The following CYP39A1 variants were observed in gnomAD, a reference collection of about 807,000 sequenced individuals.
CYP39A1 encodes 24-hydroxycholesterol 7-alpha-hydroxylase.
Under a neutral mutation model 58.1 loss-of-function variants are expected in CYP39A1, and 49 were observed. The observed-to-expected ratio is 0.84, with a 90% CI of 0.67 to 1.07. CYP39A1 has a LOEUF of 1.07. Ranked by LOEUF, CYP39A1 falls within the 50% of genes least tolerant of loss-of-function variation. The pLI is 0.00. For missense variants in CYP39A1, 531 were observed against 539.4 expected, an observed-to-expected ratio of 0.98 and a Z score of 0.16; for synonymous variants, 209 against 187.6, an observed-to-expected ratio of 1.11 and a Z score of -0.93.
intron 4 of CYP39A1, 67 bp from the exon 5 acceptor site, chr6:46,636,549 A>G: frequency 2.1e-6 from 2 of 944,186 alleles, no homozygotes; most frequent in East Asian, 2.5e-5. Context: ...GTCACAGCAT[A>G]AAAAAGGGAT....
rs376922119 is a variant in CYP39A1, at chr6:46,580,589, T to C, written c.1250+6488A>G. Reference sequence around the variant, plus strand: ...AGACAATCTACAGAATGGGAGAAAATATTTGGCATATGCATCTCACAAAGG... The same window carrying C: ...AGACAATCTACAGAATGGGAGAAAACATTTGGCATATGCATCTCACAAAGG... On this transcript the variant is annotated intron_variant, in intron 10 of 11. Transcript: ENST00000275016. 5.3e-5 allele frequency among the ~76,000 whole-genome samples: 8 copies of C among 152,082 alleles called. No homozygotes were observed. In the East Asian group the frequency reaches 1.6e-3, roughly 29 times the overall value.
chr6:46,556,079 A>T (rs1770650781), intron 10 of CYP39A1, among the ~76,000 whole-genome samples: 1 of 152,226 alleles, frequency 6.6e-6, no homozygotes. Flanking sequence ...GTTTTGTCAA[A>T]CTTTTCACAA....
intron 7 of CYP39A1, among the ~76,000 whole-genome samples, chr6:46,597,688 A>G (rs1193988065): frequency 2.6e-5 from 4 of 152,108 alleles, no homozygotes; most frequent in Non-Finnish European, 5.9e-5. Context: ...TTTGCCCAGA[A>G]GGTGAGACAT....
intron 7 of CYP39A1, among the ~76,000 whole-genome samples, chr6:46,617,952 A>C (rs1305340306): frequency 1.3e-5 from 2 of 152,204 alleles, no homozygotes; most frequent in African/African-American, 4.8e-5. Flanking sequence ...AAGTACAGCC[A>C]ATTCATATGA....
intron 1 of CYP39A1, among the ~76,000 whole-genome samples, chr6:46,651,637 G>A (rs754802895): frequency 6.6e-6 from 1 of 152,104 alleles, no homozygotes; most frequent in Non-Finnish European, 1.5e-5. Flanking sequence ...CAAATGATCA[G>A]TGGTAAAATA....
At chr6:46,602,428 C>A (rs925142405) in intron 7 of CYP39A1, among the ~76,000 whole-genome samples, 1 of 152,038 alleles carries the variant, frequency 6.6e-6, no homozygotes, top group African/African-American at 2.4e-5. Flanking sequence ...GTTTCTGATT[C>A]AATAGGTTGG....
intron 1 of CYP39A1, among the ~76,000 whole-genome samples, chr6:46,645,194 A>AGT (rs1190474355): frequency 6.6e-6 from 1 of 152,174 alleles, no homozygotes; most frequent in African/African-American, 2.4e-5. Flanking sequence ...TTTGGTGTCA[A>AGT]GTCTAAGAGC....
rs112450215 is a variant in CYP39A1, at chr6:46,649,021, C to CAATTATA, written c.177+3378_177+3384dup. Among the ~76,000 whole-genome samples, 544 of 152,272 alleles carry CAATTATA rather than the reference C, an allele frequency of 3.6e-3. 6 individuals are homozygous for CAATTATA. The highest frequency in any genetic ancestry group is 0.012 in the African/African-American group (515 of 41,556). On this transcript the variant is annotated intron_variant, in intron 1 of 11. Transcript: ENST00000275016. ...GAAGCATAAACAAAATCTTCTGTCTCAATTATAAAGTACAAAGTATCAGGT... is the reference window on the plus strand; with the variant it reads ...GAAGCATAAACAAAATCTTCTGTCTCAATTATAAATTATAAAGTACAAAGTATCAGGT...
chr6:46,562,921 A>C (rs576108722), intron 10 of CYP39A1, among the ~76,000 whole-genome samples: 2 of 151,984 alleles, frequency 1.3e-5, no homozygotes, highest in Non-Finnish European at 2.9e-5. Flanking sequence ...GTGGCTTAAT[A>C]TTTTTCTTTT....
At chr6:46,596,221 AG>A (rs1773150842) in intron 7 of CYP39A1, 101 bp from the exon 8 acceptor site, 1 of 811,136 alleles carries the variant, frequency 1.2e-6, no homozygotes, top group Non-Finnish European at 1.9e-6. Context: ...TCTGACAGCA[AG>A]TAAAGTGTTC....
intron 10 of CYP39A1, among the ~76,000 whole-genome samples, chr6:46,564,133 T>TTATTCTATTC (rs1165466566): frequency 1.6e-5 from 2 of 128,628 alleles, no homozygotes; most frequent in African/African-American, 7.9e-5. Flanking sequence ...TTATTCTATT[T>TTATTCTATTC]TATTCTATTC....
chr6:46,637,131 C>T (rs928737945), intron 4 of CYP39A1, among the ~76,000 whole-genome samples: 9 of 152,094 alleles, frequency 5.9e-5, no homozygotes. Flanking sequence ...GTCTGCAACC[C>T]GGAAGGAGCC....
In CYP39A1 at chr6:46,559,813, C is replaced by T. The variant is rs142107283; in HGVS notation, c.1251-5959G>A. On this transcript the variant is annotated intron_variant, in intron 10 of 11. Coordinates refer to ENST00000275016, the MANE Select transcript of CYP39A1 (RefSeq NM_016593.5). ...AGTGACTTTTATGGGAACAGTAAAG[C>T]GACACTTAGATTATACACTAAGAGT... 8.4e-4 allele frequency among the ~76,000 whole-genome samples: 128 copies of T among 152,202 alleles called. 1 individual carries two copies. The highest frequency in any genetic ancestry group is 1.0e-3 in the Non-Finnish European group (70 of 68,004).
At chr6:46,623,306 G>A (rs1314905291) in intron 7 of CYP39A1, among the ~76,000 whole-genome samples, 2 of 151,988 alleles carry the variant, frequency 1.3e-5, no homozygotes, top group Non-Finnish European at 2.9e-5. Flanking sequence ...CCTATATGTG[G>A]GTGGGTAAAT....
At chr6:46,649,942 T>C (rs926151615) in intron 1 of CYP39A1, among the ~76,000 whole-genome samples, 6 of 152,302 alleles carry the variant, frequency 3.9e-5, no homozygotes, top group East Asian at 3.9e-4. Flanking sequence ...GATGGAGTTT[T>C]AGAAGTTTTT....
rs762977961 is a variant in CYP39A1 at position 46,636,387 on chromosome 6, A to C, written c.732+2T>G. 1 of 1,569,892 alleles carries C rather than the reference A, an allele frequency of 6.4e-7. No individual in the cohort carries two copies. The highest frequency in any genetic ancestry group is 1.4e-5 in the African/African-American group (1 of 73,950). On this transcript the variant is annotated splice_donor_variant, in intron 5 of 11. Transcript: ENST00000275016. LOFTEE classifies it high-confidence loss of function. ...AGCAAAAGAAAGGTAAGAAATACTT[A>C]CCATGGAATTATCTTTTGCAGATTT...
intron 6 of CYP39A1, among the ~76,000 whole-genome samples, chr6:46,629,777 A>G (rs893208764): frequency 5.9e-5 from 9 of 152,248 alleles, no homozygotes; most frequent in Non-Finnish European, 1.2e-4. Context: ...TGTTTAGTAG[A>G]AAACAAGTAT....
chr6:46,560,629 G>C (rs1770924444), intron 10 of CYP39A1, among the ~76,000 whole-genome samples: 1 of 152,136 alleles, frequency 6.6e-6, no homozygotes, highest in South Asian at 2.1e-4. Context: ...TTGAATGGAA[G>C]CTAAGTAATG....
chr6:46,607,838 TTTC>T (rs1773942719), intron 7 of CYP39A1, among the ~76,000 whole-genome samples: 1 of 152,232 alleles, frequency 6.6e-6, no homozygotes, highest in Non-Finnish European at 1.5e-5. Context: ...TCACCACCTC[TTTC>T]ATTACTTTTG....
Sources: allele counts gnomAD v4.1 joint callset (sites outside exome capture counted in the v4.1 genomes callset), GRCh38; gene constraint gnomAD v4.1.1; transcripts MANE v1.5; gene names NCBI Gene and HGNC (gene_info 2026-07-23, HGNC 2026-07-21).